IST1: variants seen among roughly 807,000 people sequenced by gnomAD.
The protein encoded by IST1 is IST1 factor associated with ESCRT-III.
IST1 carries 23 observed loss-of-function variants against 37.0 expected under a neutral mutation model. The ratio of observed to expected loss-of-function variants is 0.62; its 90% CI spans 0.45 to 0.88. The LOEUF is 0.88. Ranked by LOEUF, IST1 falls within the 40% of genes least tolerant of loss-of-function variation. The pLI, the probability that IST1 is intolerant of heterozygous loss-of-function variation, is 0.00. For synonymous variants in IST1, 180 were observed against 161.7 expected (o/e 1.11, Z -0.86); for missense variants, 488 against 445.4 (o/e 1.10, Z -0.86).
intron 1 of IST1, among the ~76,000 whole-genome samples, chr16:71,898,557 G>A (rs1004866327): frequency 4.6e-5 from 7 of 150,706 alleles, no homozygotes; most frequent in East Asian, 3.9e-4. Context: ...GGTGGCGGGC[G>A]CCTGTAATAC....
At position 71,921,445 on chromosome 16, in the gene IST1, G is replaced by C. The variant is rs761908013; in HGVS notation, c.544G>C (p.Val182Leu). The change falls in exon 6 of 10, where the codon GTG becomes CTG. Residue 182 changes from valine to leucine, a missense_variant. Val to Leu is a conservative substitution (Grantham distance 32). This residue lies in a region of IST1 where 455 missense variants were observed against 386.2 expected (regional missense o/e 1.18). Transcript: ENST00000378799. ...NYNVPYEPDS[V>L]VMAEAPPGVE... ...CAACGTACCCTATGAACCTGACTCT[G>C]TGGTCATGGTAAGTTTATCCCAGAA... 1.9e-6 allele frequency: 3 copies of C among 1,593,670 alleles called. No individual in the cohort carries two copies. In the South Asian group the frequency reaches 3.3e-5, roughly 18 times the overall value.
intron 1 of IST1, among the ~76,000 whole-genome samples, chr16:71,915,260 C>T (rs34111614): frequency 0.33 from 50,793 of 151,820 alleles, 9,100 homozygotes; most frequent in East Asian, 0.66. Flanking sequence ...TTTATCACAC[C>T]ACCCCCATGC....
At chr16:71,911,598 CTTAAT>C (rs2037355618) in intron 1 of IST1, among the ~76,000 whole-genome samples, 1 of 151,512 alleles carries the variant, frequency 6.6e-6, no homozygotes, top group Non-Finnish European at 1.5e-5. Flanking sequence ...ATAGATGTGT[CTTAAT>C]TTAATCAGTT....
Position 71,929,480 on chromosome 16 carries a change from A to G in IST1, c.*1667A>G. ...TATATTATAATTTTAAAGCTATGCCATGCAAAGATAAGTAGTAATACGCTA... is the reference window on the plus strand; with the variant it reads ...TATATTATAATTTTAAAGCTATGCCGTGCAAAGATAAGTAGTAATACGCTA... On this transcript the variant is annotated 3_prime_UTR_variant, in exon 10 of 10. Coordinates refer to ENST00000378799, the MANE Select transcript of IST1 (RefSeq NM_001270975.2). 1 of 1,435,586 alleles carries G rather than the reference A, an allele frequency of 7.0e-7. No individual in the cohort carries two copies. Among genetic ancestry groups the G allele is most frequent in the Non-Finnish European group, 9.3e-7 (1 of 1,073,266 alleles). The allele number at this position is 1,435,586 out of a possible 1,614,324, so 88.9% of individuals were successfully genotyped here. A position where few individuals can be genotyped will look rare whatever the true frequency, so the allele number is the denominator to read the frequency against.
chr16:71,910,912 C>G (rs950515335), intron 1 of IST1, among the ~76,000 whole-genome samples: 1 of 152,090 alleles, frequency 6.6e-6, no homozygotes. Flanking sequence ...GGCCCCTTCT[C>G]CATGCATTTA....
At chr16:71,913,072 A>G (rs1009717936) in intron 1 of IST1, among the ~76,000 whole-genome samples, 6 of 152,230 alleles carry the variant, frequency 3.9e-5, no homozygotes, top group Non-Finnish European at 8.8e-5. Flanking sequence ...ATAGGTATGC[A>G]AATAGCTCTT....
chr16:71,901,290 T>A (rs1449574287), intron 1 of IST1, among the ~76,000 whole-genome samples: 1 of 152,142 alleles, frequency 6.6e-6, no homozygotes, highest in East Asian at 1.9e-4. Flanking sequence ...CTCGGCTCAC[T>A]GCAAGCTCCA....
At chr16:71,906,184 T>C (rs542045724) in intron 1 of IST1, among the ~76,000 whole-genome samples, 1 of 151,762 alleles carries the variant, frequency 6.6e-6, no homozygotes, top group East Asian at 1.9e-4. Flanking sequence ...TTTGTGTTTT[T>C]AGTAGAGACG....
chr16:71,915,511 T>C, intron 1 of IST1, 115 bp from the exon 2 acceptor site: 1 of 646,734 alleles, frequency 1.5e-6, no homozygotes, highest in Non-Finnish European at 2.6e-6. Flanking sequence ...ATCATGTCAT[T>C]TTCCTGTATT....
At chr16:71,907,501 T>G (rs1253433901) in intron 1 of IST1, among the ~76,000 whole-genome samples, 1 of 152,032 alleles carries the variant, frequency 6.6e-6, no homozygotes, top group Admixed American at 6.6e-5. Context: ...GTGGTTTCGA[T>G]CTTTTGACCT....
chr16:71,928,061 C>T lies in IST1; in HGVS notation c.*248C>T. ...GCAGCTGTGCTTGTCCGTTTCCTGT[C>T]AGAGTGATCCCAGGTTTCCTCCTGG... On this transcript the variant is annotated 3_prime_UTR_variant, in exon 10 of 10. Transcript: ENST00000378799. 1 of 466,018 alleles carries T rather than the reference C, an allele frequency of 2.1e-6. No individual in the cohort carries two copies. The highest frequency in any genetic ancestry group is 2.1e-5 in the South Asian group (1 of 47,556). 28.9% of individuals were successfully genotyped at this position (466,018 alleles called of 1,614,324 possible). A position where few individuals can be genotyped will look rare whatever the true frequency, so the allele number is the denominator to read the frequency against.
upstream of IST1, chr16:71,894,936 C>T (rs1008516520): frequency 1.9e-6 from 2 of 1,032,876 alleles, no homozygotes; most frequent in African/African-American, 3.2e-5. Context: ...TGAGGAAACA[C>T]TACTGAATTA....
chr16:71,927,486 CAAAAA>C (rs34382355), intron 9 of IST1, 123 bp from the exon 10 acceptor site: 30 of 600,856 alleles, frequency 5.0e-5, no homozygotes, highest in South Asian at 5.0e-4. Flanking sequence ...GAGACTGTCT[CAAAAA>C]AAAAAAAAAA....
intron 1 of IST1, among the ~76,000 whole-genome samples, chr16:71,907,838 G>T (rs1276685601): frequency 1.3e-5 from 2 of 152,030 alleles, no homozygotes; most frequent in African/African-American, 4.8e-5. Context: ...TTTTGAGACA[G>T]GATCTTACCA....
At chr16:71,898,653 ACT>A (rs2037031991) in intron 1 of IST1, among the ~76,000 whole-genome samples, 2 of 120,100 alleles carry the variant, frequency 1.7e-5, no homozygotes, top group African/African-American at 6.7e-5. Context: ...ACAGAGTGAG[ACT>A]CTGTCTTAAA....
intron 1 of IST1, 39 bp downstream of exon 1, chr16:71,895,628 C>T (rs2036947903): frequency 1.2e-6 from 1 of 839,768 alleles, no homozygotes. Context: ...TCTCTGTCTT[C>T]CTCTTCTCTC....
Position 71,927,839 on chromosome 16 carries a change from G to A in IST1, c.*26G>A, listed in dbSNP as rs138738301. On this transcript the variant is annotated 3_prime_UTR_variant, in exon 10 of 10. Transcript: ENST00000378799. Reference sequence around the variant, plus strand: ...GTCTCTTAAACCAGGCAACTTTCACGTTTTGGGAGTTGAGACTGAGCAATT... The same window carrying A: ...GTCTCTTAAACCAGGCAACTTTCACATTTTGGGAGTTGAGACTGAGCAATT... 7.7e-5 allele frequency: 120 copies of A among 1,549,900 alleles called. No homozygotes were observed. In the East Asian group the frequency reaches 2.4e-3, roughly 31 times the overall value.
chr16:71,913,664 C>T (rs570144849), intron 1 of IST1, among the ~76,000 whole-genome samples: 2 of 152,054 alleles, frequency 1.3e-5, no homozygotes, highest in Non-Finnish European at 2.9e-5. Context: ...CCACGCCCGG[C>T]TAATTTTTGT....
chr16:71,926,006 G>A (rs1328996920), intron 9 of IST1, among the ~76,000 whole-genome samples: 3 of 152,068 alleles, frequency 2.0e-5, no homozygotes, highest in Admixed American at 2.0e-4. Flanking sequence ...TAGAGGCCGG[G>A]TGCGGTGGCT....
Sources: gnomAD v4.1 joint callset for allele counts (sites outside exome capture counted in the v4.1 genomes callset) on GRCh38, gnomAD v4.1.1 for gene constraint, gnomAD v4.1.1 regional missense constraint, MANE v1.5 for transcripts, NCBI Gene and HGNC (gene_info 2026-07-23, HGNC 2026-07-21) for gene names.